MTMR7: variants seen among roughly 807,000 people sequenced by gnomAD.
MTMR7 encodes the protein phosphatidylinositol-3-phosphate phosphatase MTMR7.
Under a neutral mutation model 81.2 loss-of-function variants are expected in MTMR7, and 76 were observed. That is an observed-to-expected ratio of 0.94 (90% CI 0.78 to 1.13). The LOEUF (loss-of-function observed/expected upper bound fraction) is 1.13, where lower values mean the gene tolerates loss of function less well. Among genes scored for constraint, MTMR7 ranks in the 50% most tolerant of loss-of-function variants. The pLI is 0.00. For missense variants in MTMR7, 1,044 were observed against 820.0 expected, an observed-to-expected ratio of 1.27 and a Z score of -3.34; for synonymous variants, 372 against 289.8, an observed-to-expected ratio of 1.28 and a Z score of -2.88.
At chr8:17,375,374 T>C (rs1820552016) in intron 1 of MTMR7, among the ~76,000 whole-genome samples, 2 of 152,158 alleles carry the variant, frequency 1.3e-5, no homozygotes, top group Admixed American at 1.3e-4. Context: ...ATATCTGTAC[T>C]TATACAATTT....
At chr8:17,330,634 A>G (rs6993521) in intron 7 of MTMR7, among the ~76,000 whole-genome samples, 70,887 of 152,044 alleles carry the variant, frequency 0.47, 17,230 homozygotes, top group South Asian at 0.62. Flanking sequence ...GTGTCTTGTC[A>G]TGTTCGCCAT....
chr8:17,393,707 C>A (rs369181064), intron 1 of MTMR7, among the ~76,000 whole-genome samples: 1 of 151,798 alleles, frequency 6.6e-6, no homozygotes, highest in Non-Finnish European at 1.5e-5. Flanking sequence ...AGAGGGGTTG[C>A]GAGGGGAGGG....
At chr8:17,306,389 T>C (rs1188546767) in intron 10 of MTMR7, among the ~76,000 whole-genome samples, 1 of 150,824 alleles carries the variant, frequency 6.6e-6, no homozygotes, top group Admixed American at 6.6e-5. Context: ...AAAGACAACT[T>C]GAAAAAAAAA....
chr8:17,374,851 G>C (rs1333240332), intron 1 of MTMR7, among the ~76,000 whole-genome samples: 1 of 151,866 alleles, frequency 6.6e-6, no homozygotes, highest in Non-Finnish European at 1.5e-5. Context: ...GCTCACGCCT[G>C]TAATCCCAGC....
At position 17,361,210 on chromosome 8, in the gene MTMR7, T is replaced by C. The variant is rs1426212805; in HGVS notation, c.375A>G (p.Gln125=). The change falls in exon 4 of 14, where the codon CAA becomes CAG. Residue 125 remains glutamine (Q), a synonymous_variant. Coordinates refer to ENST00000180173, the MANE Select transcript of MTMR7 (RefSeq NM_004686.5). ...CACTAAGATCGATCAGCACCCAGCC[T>C]TGCTCTCTTTCTTCTTTATCCAGCA... is the stretch of plus-strand genomic sequence containing the variant. ...NPMLDKEERE[Q]GWVLIDLSEE... 6.2e-7 allele frequency: 1 copy of C among 1,614,036 alleles called. No individual in the cohort carries two copies. The highest frequency in any genetic ancestry group is 8.5e-7 in the Non-Finnish European group (1 of 1,180,008).
At chr8:17,332,306 T>C (rs2150531533) in intron 6 of MTMR7, among the ~76,000 whole-genome samples, 1 of 152,330 alleles carries the variant, frequency 6.6e-6, no homozygotes, top group African/African-American at 2.4e-5. Flanking sequence ...TAAAGACACA[T>C]ATGTTCTTTG....
chr8:17,356,202 T>G (rs752371265), intron 4 of MTMR7, among the ~76,000 whole-genome samples: 41 of 152,174 alleles, frequency 2.7e-4, no homozygotes, highest in Middle Eastern at 3.2e-3. Context: ...AACAATATAT[T>G]TTAGCAATTT....
At chr8:17,344,026 G>T (rs75270787) in intron 5 of MTMR7, among the ~76,000 whole-genome samples, 2,263 of 152,056 alleles carry the variant, frequency 0.015, 59 homozygotes, top group African/African-American at 0.052. Context: ...ATTTTTGATG[G>T]CTTACTACTG....
chr8:17,396,753 T>A (rs1821265725), intron 1 of MTMR7, among the ~76,000 whole-genome samples: 1 of 151,810 alleles, frequency 6.6e-6, no homozygotes, highest in Non-Finnish European at 1.5e-5. Flanking sequence ...CTGGGGTGGC[T>A]AAGGGAATGC....
In MTMR7 at chr8:17,302,159, C is replaced by G. The variant is rs767059408; in HGVS notation, c.1615G>C (p.Glu539Gln). The G allele has an allele frequency of 1.2e-6, 2 of 1,613,986 alleles. No individual in the cohort carries two copies. Among genetic ancestry groups the G allele is most frequent in the Non-Finnish European group, 1.7e-6 (2 of 1,179,978 alleles). The change falls in exon 13 of 14, where the codon GAA (glutamate) becomes CAA (glutamine). Residue 539 changes from glutamate to glutamine, a missense_variant. By Grantham distance (29) the Glu-to-Gln change is conservative. Transcript: ENST00000180173. ...ACAAAGCAAGTATGTCTTACTTCTTCCAGGGCCTCTAGTTCTTCCTCTAGC... is the reference window on the plus strand; with the variant it reads ...ACAAAGCAAGTATGTCTTACTTCTTGCAGGGCCTCTAGTTCTTCCTCTAGC... ...QQLEEELEAL[E>Q]ERLEKIQKVQ...
intron 1 of MTMR7, among the ~76,000 whole-genome samples, chr8:17,398,270 G>C (rs1821319382): frequency 1.3e-5 from 2 of 152,184 alleles, no homozygotes; most frequent in African/African-American, 4.8e-5. Context: ...CAAAATTGCA[G>C]TGTTGAGGAA....
intron 9 of MTMR7, 102 bp downstream of exon 9, chr8:17,311,409 A>C: frequency 6.7e-7 from 1 of 1,501,098 alleles, no homozygotes. Context: ...TAAAAGAAAA[A>C]TAATGCTGGC....
intron 7 of MTMR7, among the ~76,000 whole-genome samples, chr8:17,313,860 A>G (rs1817920755): frequency 6.6e-6 from 1 of 152,198 alleles, no homozygotes; most frequent in Non-Finnish European, 1.5e-5. Flanking sequence ...GTAAAAACAC[A>G]AGACAGAGCG....
chr8:17,314,015 G>A (rs1265049063), intron 7 of MTMR7, among the ~76,000 whole-genome samples: 4 of 152,150 alleles, frequency 2.6e-5, no homozygotes, highest in Non-Finnish European at 5.9e-5. Flanking sequence ...CCCTTTGAGT[G>A]AAAATGAAGA....
At chr8:17,371,588 G>A (rs997760183) in intron 2 of MTMR7, among the ~76,000 whole-genome samples, 4 of 152,226 alleles carry the variant, frequency 2.6e-5, no homozygotes, top group East Asian at 1.9e-4. Flanking sequence ...AGATGGCTCC[G>A]CTGGGAGGTG....
At chr8:17,320,906 A>G (rs1414959964) in intron 7 of MTMR7, among the ~76,000 whole-genome samples, 2 of 152,174 alleles carry the variant, frequency 1.3e-5, no homozygotes, top group African/African-American at 2.4e-5. Flanking sequence ...AAAGTGTTCA[A>G]CTTAATCCTA....
intron 7 of MTMR7, among the ~76,000 whole-genome samples, chr8:17,322,744 G>A (rs1168361763): frequency 2.6e-5 from 4 of 152,130 alleles, no homozygotes; most frequent in Non-Finnish European, 4.4e-5. Context: ...AGGATCACTT[G>A]AGCCCAGGAG....
chr8:17,302,782 G>A (rs1048511679), intron 12 of MTMR7, among the ~76,000 whole-genome samples: 3 of 137,598 alleles, frequency 2.2e-5, no homozygotes, highest in Admixed American at 8.4e-5. Context: ...GTGTGATATC[G>A]GCTCCTTGCA....
chr8:17,300,349 G>C (rs1563310498), intron 13 of MTMR7, 125 bp from the exon 14 acceptor site: 15 of 1,078,432 alleles, frequency 1.4e-5, no homozygotes, highest in Non-Finnish European at 1.6e-5. Context: ...GACTCAGAGG[G>C]ATGTGAGTTC....
Sources: allele counts gnomAD v4.1 joint callset (sites outside exome capture counted in the v4.1 genomes callset), GRCh38; gene constraint gnomAD v4.1.1; transcripts MANE v1.5; gene names NCBI Gene and HGNC (gene_info 2026-07-23, HGNC 2026-07-21).